The following DNAH11 variants were observed in gnomAD, a reference collection of about 807,000 sequenced individuals.
DNAH11 encodes dynein axonemal heavy chain 11.
A neutral mutation model predicts 526.0 loss-of-function variants in DNAH11; 442 were observed. That is an observed-to-expected ratio of 0.84 (90% CI 0.78 to 0.91). The LOEUF is 0.91. Among genes scored for constraint, DNAH11 ranks in the 40% least tolerant of loss-of-function variants. DNAH11 has a pLI of 0.00. For missense variants in DNAH11, 6,989 were observed against 5,448.7 expected (o/e 1.28, Z -8.90); for synonymous variants, 2,461 against 1,935.9 (o/e 1.27, Z -7.12).
At chr7:21,702,536 C>T (rs1463737048) in intron 36 of DNAH11, among the ~76,000 whole-genome samples, 174 bp from the exon 37 acceptor site, 1 of 151,642 alleles carries the variant, frequency 6.6e-6, no homozygotes, top group East Asian at 1.9e-4. Flanking sequence ...AACAGGACGA[C>T]ACTACAGGGA....
intron 57 of DNAH11, among the ~76,000 whole-genome samples, chr7:21,782,549 T>C (rs577913215): frequency 1.3e-5 from 2 of 152,182 alleles, no homozygotes; most frequent in Non-Finnish European, 2.9e-5. Context: ...TTATAAAAAT[T>C]ACCCAAAGGA....
In DNAH11 at chr7:21,591,567, A is replaced by G. The variant is rs375268953; in HGVS notation, c.2657A>G (p.Asn886Ser). The change falls in exon 14 of 82, where the codon AAC becomes AGC. Residue 886 changes from asparagine (N) to serine (S), a missense_variant. Physicochemically the swap from Asn to Ser is conservative, Grantham distance 46. Transcript: ENST00000409508. ...CAAGGAGATGGCTGCAAGATCCACA[A>G]CTTGGTCGAGGTAATGGCTTTTAAC... is the stretch of plus-strand genomic sequence containing the variant. Reference protein sequence around the residue: ...LIQGDGCKIHNLVEENRKLFK... With the variant: ...LIQGDGCKIHSLVEENRKLFK... The G allele has an allele frequency of 3.3e-5, 51 of 1,564,946 alleles. No homozygotes were observed. In the African/African-American group the frequency reaches 5.3e-4, roughly 16 times the overall value.
intron 46 of DNAH11, among the ~76,000 whole-genome samples, chr7:21,737,061 T>C (rs78422317): frequency 0.014 from 2,184 of 152,264 alleles, 60 homozygotes; most frequent in African/African-American, 0.049. Context: ...AGATGGCCTA[T>C]TAGTGCGAGG....
chr7:21,845,507 C>A (rs887356193), intron 66 of DNAH11, among the ~76,000 whole-genome samples: 1 of 152,038 alleles, frequency 6.6e-6, no homozygotes, highest in Admixed American at 6.6e-5. Flanking sequence ...TGTTAAAGAT[C>A]AGTTGGCCAT....
chr7:21,642,220 A>C (rs1229539152), intron 28 of DNAH11, among the ~76,000 whole-genome samples: 1 of 152,026 alleles, frequency 6.6e-6, no homozygotes, highest in African/African-American at 2.4e-5. Context: ...ATTAACACTT[A>C]CATAAAATGC....
At chr7:21,648,963 G>A (rs1441488804) in intron 28 of DNAH11, among the ~76,000 whole-genome samples, 1 of 152,030 alleles carries the variant, frequency 6.6e-6, no homozygotes, top group Non-Finnish European at 1.5e-5. Flanking sequence ...ATAAGTTAAT[G>A]TGTTTCTCTT....
intron 54 of DNAH11, among the ~76,000 whole-genome samples, chr7:21,764,078 A>C (rs1787057229): frequency 6.6e-6 from 1 of 152,150 alleles, no homozygotes; most frequent in African/African-American, 2.4e-5. Flanking sequence ...GTAGAGTTTC[A>C]GTAATGCAAG....
chr7:21,856,395 G>C (rs1782850619), intron 68 of DNAH11, among the ~76,000 whole-genome samples: 1 of 152,180 alleles, frequency 6.6e-6, no homozygotes, highest in Non-Finnish European at 1.5e-5. Flanking sequence ...TACAGAACTA[G>C]TATGCAAAAC....
intron 30 of DNAH11, among the ~76,000 whole-genome samples, chr7:21,677,339 A>C (rs1782936085): frequency 6.6e-6 from 1 of 151,490 alleles, no homozygotes; most frequent in South Asian, 2.1e-4. Context: ...TGGAATATTT[A>C]ATTTTTTTAT....
intron 19 of DNAH11, 23 bp downstream of exon 19, chr7:21,606,565 G>A: frequency 6.8e-7 from 1 of 1,476,042 alleles, no homozygotes. Flanking sequence ...CCAAGTTTTT[G>A]TTTTAAGAAA....
rs570928799 is a variant in DNAH11 at position 21,631,225 on chromosome 7, T to G, written c.4501-4646T>G. ...CATGGGAAGGACCTGCCTCCGTGAT[T>G]CAGTTACCTCCCACTGGGTCCTTCT... On this transcript the variant is annotated intron_variant, in intron 25 of 81. Coordinates refer to ENST00000409508, the MANE Select transcript of DNAH11 (RefSeq NM_001277115.2). 2.0e-5 allele frequency among the ~76,000 whole-genome samples: 3 copies of G among 152,266 alleles called. No homozygotes were observed. The East Asian group carries it at 5.8e-4, about 29-fold the overall frequency.
At chr7:21,617,596 T>A (rs1184022261) in intron 22 of DNAH11, 23 bp from the exon 23 acceptor site, 1 of 1,612,920 alleles carries the variant, frequency 6.2e-7, no homozygotes, top group Non-Finnish European at 8.5e-7. Context: ...GGGAGCTAGG[T>A]TTTTTCCTCC....
At chr7:21,810,998 A>G (rs1382228993) in intron 63 of DNAH11, among the ~76,000 whole-genome samples, 1 of 152,238 alleles carries the variant, frequency 6.6e-6, no homozygotes, top group Admixed American at 6.5e-5. Flanking sequence ...TTATAGCAGC[A>G]CTATTCACAT....
At chr7:21,716,206 C>T (rs977586723) in intron 42 of DNAH11, among the ~76,000 whole-genome samples, 3 of 152,192 alleles carry the variant, frequency 2.0e-5, no homozygotes, top group African/African-American at 7.2e-5. Flanking sequence ...TTATATCCAC[C>T]AGAATCCAGG....
At chr7:21,586,318 A>G (rs994657569) in intron 9 of DNAH11, among the ~76,000 whole-genome samples, 2 of 152,250 alleles carry the variant, frequency 1.3e-5, no homozygotes, top group Non-Finnish European at 2.9e-5. Context: ...TGTTAAATAC[A>G]TAAGGCAATG....
intron 63 of DNAH11, among the ~76,000 whole-genome samples, chr7:21,809,944 T>C (rs7796013): frequency 0.41 from 63,022 of 151,994 alleles, 13,982 homozygotes; most frequent in East Asian, 0.82. Context: ...AACATAAAAA[T>C]TAATTATGTA....
intron 65 of DNAH11, among the ~76,000 whole-genome samples, chr7:21,841,481 A>C (rs769005999): frequency 2.0e-5 from 3 of 152,134 alleles, no homozygotes; most frequent in Non-Finnish European, 4.4e-5. Context: ...GTCTGTGTGG[A>C]GTTTGCACAC....
chr7:21,591,054 G>A, intron 13 of DNAH11, 32 bp downstream of exon 13: 1 of 1,407,906 alleles, frequency 7.1e-7, no homozygotes, highest in Non-Finnish European at 9.4e-7. Flanking sequence ...AAAGATACTA[G>A]GGCCTATTAT....
chr7:21,787,506 C>A lies in DNAH11; in HGVS notation c.9847C>A (p.Pro3283Thr), dbSNP rs774892385. ...CTATTTGAAAGACCCAGAGTTTAATCCAAACCTGATTCGAACCAAATCTTT... is the reference window on the plus strand; with the variant it reads ...CTATTTGAAAGACCCAGAGTTTAATACAAACCTGATTCGAACCAAATCTTT... ...EHYLKDPEFN[P>T]NLIRTKSFAA... is the part of the protein sequence containing the mutation. Residue 3283 changes from proline (P) to threonine (T), a missense_variant, in exon 60 of 82, where the codon CCA becomes ACA. Pro to Thr is a conservative substitution (Grantham distance 38). Transcript: ENST00000409508. The A allele has an allele frequency of 1.2e-6, 2 of 1,613,776 alleles. No homozygotes were observed. Among genetic ancestry groups the A allele is most frequent in the Non-Finnish European group, 8.5e-7 (1 of 1,179,766 alleles).
Sources: gnomAD v4.1 joint callset for allele counts (sites outside exome capture counted in the v4.1 genomes callset) on GRCh38, gnomAD v4.1.1 for gene constraint, MANE v1.5 for transcripts, NCBI Gene and HGNC (gene_info 2026-07-23, HGNC 2026-07-21) for gene names.